The following CNBD1 variants were observed in gnomAD, a reference collection of about 807,000 sequenced individuals.
The protein encoded by CNBD1 is cyclic nucleotide-binding domain-containing protein 1.
In CNBD1, 71 loss-of-function variants were observed where a neutral mutation model predicts 54.4. The observed-to-expected ratio is 1.30, with a 90% CI of 1.08 to 1.59. The LOEUF is 1.59. CNBD1 is among the 40% of genes most tolerant of loss of function. The pLI, the probability that CNBD1 is intolerant of heterozygous loss-of-function variation, is 0.00. For synonymous variants in CNBD1, 182 were observed against 170.7 expected (o/e 1.07, Z -0.51); for missense variants, 659 against 518.0 (o/e 1.27, Z -2.64).
intron 6 of CNBD1, among the ~76,000 whole-genome samples, chr8:87,256,005 ATATATATATATTTTTT>A (rs1195856847): frequency 3.6e-4 from 7 of 19,530 alleles, no homozygotes; most frequent in African/African-American, 1.0e-3. Flanking sequence ...ATATATATAT[ATATATATATATTTTTT>A]TTTTTTTTTT....
intron 4 of CNBD1, among the ~76,000 whole-genome samples, chr8:87,044,280 A>G (rs1461354660): frequency 6.6e-6 from 1 of 151,832 alleles, no homozygotes; most frequent in Non-Finnish European, 1.5e-5. Flanking sequence ...AGATAATGTT[A>G]TATAAGTGTC....
chr8:87,398,162 T>G (rs1236180500), intron 2 of CNBD1, among the ~76,000 whole-genome samples: 1 of 122,806 alleles, frequency 8.1e-6, no homozygotes, highest in Non-Finnish European at 1.7e-5. Context: ...GCAAACACCT[T>G]TTTGCAAGGG....
Position 87,284,599 on chromosome 8 carries a change from C to T in CNBD1, c.772-79C>T, listed in dbSNP as rs914730424. Reference sequence around the variant, plus strand: ...CCTCTTTCATAGAATGAAAGCTTGACCTACAATCCAATCCTTCACTGGCAT... The same window carrying T: ...CCTCTTTCATAGAATGAAAGCTTGATCTACAATCCAATCCTTCACTGGCAT... On this transcript the variant is annotated intron_variant, in intron 6 of 10. Transcript: ENST00000518476. 7 of 1,257,130 alleles carry T rather than the reference C, an allele frequency of 5.6e-6. No individual in the cohort carries two copies. In the African/African-American group the frequency reaches 6.0e-5, roughly 11 times the overall value. The allele number at this position is 1,257,130 out of a possible 1,614,324, so 77.9% of individuals were successfully genotyped here.
At chr8:87,010,465 C>G (rs1203805079) in intron 4 of CNBD1, among the ~76,000 whole-genome samples, 5 of 151,926 alleles carry the variant, frequency 3.3e-5, no homozygotes, top group Non-Finnish European at 5.9e-5. Context: ...AAATGAACTC[C>G]ATGCCAGGCA....
intron 4 of CNBD1, among the ~76,000 whole-genome samples, chr8:87,089,038 C>G (rs746151597): frequency 9.9e-5 from 15 of 152,022 alleles, no homozygotes; most frequent in Non-Finnish European, 1.6e-4. Context: ...AAAGAATAAA[C>G]TAGTTGGGCT....
intron 4 of CNBD1, among the ~76,000 whole-genome samples, chr8:86,991,810 A>G (rs1462431582): frequency 6.6e-6 from 1 of 152,056 alleles, no homozygotes; most frequent in Non-Finnish European, 1.5e-5. Context: ...AGTTCCATGT[A>G]TTTGTGTAGT....
At chr8:86,955,189 T>C (rs1807732227) in intron 4 of CNBD1, among the ~76,000 whole-genome samples, 2 of 152,188 alleles carry the variant, frequency 1.3e-5, no homozygotes, top group African/African-American at 4.8e-5. Flanking sequence ...CTGCATAGTA[T>C]TCATGGTGTA....
chr8:87,236,644 C>A (rs975126531), intron 5 of CNBD1, among the ~76,000 whole-genome samples: 4 of 152,004 alleles, frequency 2.6e-5, no homozygotes, highest in Non-Finnish European at 5.9e-5. Flanking sequence ...TTATATGTAA[C>A]CATGTTTTCT....
rs78062859 is a variant in CNBD1, at chr8:87,317,474, T to A, written c.1042+30803T>A. Among the ~76,000 whole-genome samples the A allele has an allele frequency of 6.6e-3, 1,003 of 151,954 alleles. 10 individuals are homozygous for A. The highest frequency in any genetic ancestry group is 0.01 in the Middle Eastern group (3 of 294). ...AAATATCAATTTTCAAGTAAATTTT[T>A]AAATTTTATTGTTATTTGAAAATAT... On this transcript the variant is annotated intron_variant, in intron 8 of 10. Coordinates refer to ENST00000518476, the MANE Select transcript of CNBD1 (RefSeq NM_173538.3).
intron 5 of CNBD1, among the ~76,000 whole-genome samples, chr8:87,217,621 C>A (rs1308588023): frequency 2.1e-5 from 3 of 143,056 alleles, no homozygotes; most frequent in African/African-American, 7.8e-5. Context: ...ATGTTAATGT[C>A]TGAAGTTAAA....
chr8:87,345,220 A>G (rs772090530), intron 8 of CNBD1, among the ~76,000 whole-genome samples: 18 of 152,212 alleles, frequency 1.2e-4, no homozygotes, highest in Non-Finnish European at 2.1e-4. Context: ...CTATTTAAGT[A>G]CATCCTTCCA....
At chr8:87,331,990 A>G (rs1277830450) in intron 8 of CNBD1, among the ~76,000 whole-genome samples, 1 of 149,756 alleles carries the variant, frequency 6.7e-6, no homozygotes, top group Non-Finnish European at 1.5e-5. Flanking sequence ...GATTGCAAAA[A>G]TTTTCTCCCA....
At chr8:86,873,292 G>T (rs982427421) in intron 1 of CNBD1, among the ~76,000 whole-genome samples, 5 of 151,460 alleles carry the variant, frequency 3.3e-5, no homozygotes, top group Admixed American at 6.6e-5. Flanking sequence ...GTAGAGACGG[G>T]GTTTCTCCCT....
At chr8:87,117,119 C>T (rs1211789211) in intron 4 of CNBD1, among the ~76,000 whole-genome samples, 2 of 152,042 alleles carry the variant, frequency 1.3e-5, no homozygotes, top group Non-Finnish European at 2.9e-5. Flanking sequence ...ACCACTGGGG[C>T]CAGGTGTGGT....
At chr8:87,088,359 T>C (rs1033695067) in intron 4 of CNBD1, among the ~76,000 whole-genome samples, 30 of 152,152 alleles carry the variant, frequency 2.0e-4, no homozygotes, top group African/African-American at 6.8e-4. Context: ...TTATATCCTG[T>C]GTGATTGAGG....
intron 4 of CNBD1, among the ~76,000 whole-genome samples, chr8:87,081,289 T>C (rs984468138): frequency 2.0e-5 from 3 of 152,130 alleles, no homozygotes; most frequent in Non-Finnish European, 4.4e-5. Flanking sequence ...GTTTAATTTT[T>C]ACTTATTTGA....
chr8:87,404,040 G>T (rs1193623212), intron 2 of CNBD1, among the ~76,000 whole-genome samples: 18 of 152,054 alleles, frequency 1.2e-4, no homozygotes. Flanking sequence ...GAGGTTTGCT[G>T]CATGCATCCT....
At chr8:86,871,459 T>C (rs1318467373) in intron 1 of CNBD1, among the ~76,000 whole-genome samples, 3 of 152,254 alleles carry the variant, frequency 2.0e-5, no homozygotes, top group Non-Finnish European at 4.4e-5. Flanking sequence ...ACTTTAACTC[T>C]ACACTCAAAA....
At chr8:87,105,117 T>C (rs1811506855) in intron 4 of CNBD1, among the ~76,000 whole-genome samples, 1 of 152,172 alleles carries the variant, frequency 6.6e-6, no homozygotes. Flanking sequence ...ATACTTTTGA[T>C]GAGGAGATGG....
Sources: gnomAD v4.1 joint callset for allele counts (sites outside exome capture counted in the v4.1 genomes callset) on GRCh38, gnomAD v4.1.1 for gene constraint, MANE v1.5 for transcripts, NCBI Gene and HGNC (gene_info 2026-07-23, HGNC 2026-07-21) for gene names.